The following NDUFA10 variants were observed in gnomAD, a reference collection of about 807,000 sequenced individuals.
NDUFA10 encodes NADH:ubiquinone oxidoreductase subunit A10, also known as NADH dehydrogenase [ubiquinone] 1 alpha subcomplex subunit 10, mitochondrial.
In NDUFA10, 40 loss-of-function variants were observed where a neutral mutation model predicts 47.8. The observed-to-expected ratio is 0.84, with a 90% CI of 0.65 to 1.09. NDUFA10 has a LOEUF of 1.09. Ranked by LOEUF, NDUFA10 falls within the 50% of genes least tolerant of loss-of-function variation. The pLI, the probability that NDUFA10 is intolerant of heterozygous loss-of-function variation, is 0.00. For synonymous variants in NDUFA10, 183 were observed against 172.2 expected (o/e 1.06, Z -0.49); for missense variants, 413 against 451.1 (o/e 0.92, Z 0.76).
At chr2:240,020,109 C>T (rs986684721) in intron 3 of NDUFA10, among the ~76,000 whole-genome samples, 2 of 151,582 alleles carry the variant, frequency 1.3e-5, no homozygotes, top group African/African-American at 4.9e-5. Flanking sequence ...ACACTGCATC[C>T]GTGGAGACCT....
intron 3 of NDUFA10, among the ~76,000 whole-genome samples, chr2:240,020,878 C>T (rs1193608894): frequency 6.6e-6 from 1 of 152,232 alleles, no homozygotes; most frequent in Non-Finnish European, 1.5e-5. Context: ...CTCCTGGACA[C>T]TTCTGTGCTC....
intron 4 of NDUFA10, among the ~76,000 whole-genome samples, chr2:239,920,369 G>A (rs1214592274): frequency 6.6e-6 from 1 of 152,206 alleles, no homozygotes; most frequent in Non-Finnish European, 1.5e-5. Context: ...AGGTCCCCTT[G>A]CCATGGGGAC....
At chr2:239,916,702 C>T (rs1198259204) in intron 4 of NDUFA10, among the ~76,000 whole-genome samples, 1 of 152,254 alleles carries the variant, frequency 6.6e-6, no homozygotes, top group Non-Finnish European at 1.5e-5. Context: ...CTCTCTGCTC[C>T]CAGGACGGCA....
rs61475593 is a variant in NDUFA10 at position 240,002,330 on chromosome 2, CAAAAAAAAA to C, written c.890+2871_890+2879del. Among the ~76,000 whole-genome samples, 387 of 83,750 alleles carry C rather than the reference CAAAAAAAAA, an allele frequency of 4.6e-3. 2 individuals carry two copies. The highest frequency in any genetic ancestry group is 6.8e-3 in the Middle Eastern group (1 of 148). 54.9% of individuals were successfully genotyped at this position (83,750 alleles called of 152,430 possible). A position where few individuals can be genotyped will look rare whatever the true frequency, so the allele number is the denominator to read the frequency against. ...GGGCAACAAGAGCAAAACTCTGACT[CAAAAAAAAA>C]AAAAAAAAAAAAAAAAAGACAAGGA... On this transcript the variant is annotated intron_variant, in intron 8 of 9. Coordinates refer to ENST00000252711, the MANE Select transcript of NDUFA10 (RefSeq NM_004544.4).
At chr2:239,910,566 G>T (rs766326869) in intron 4 of NDUFA10, among the ~76,000 whole-genome samples, 1 of 152,028 alleles carries the variant, frequency 6.6e-6, no homozygotes, top group African/African-American at 2.4e-5. Flanking sequence ...CCTGCTGGGG[G>T]GTGTTGAGGA....
intron 9 of NDUFA10, among the ~76,000 whole-genome samples, chr2:239,986,128 G>A (rs552735932): frequency 1.4e-3 from 211 of 152,250 alleles, no homozygotes; most frequent in African/African-American, 4.6e-3. Context: ...AATATCTTCC[G>A]AAGAGGAACT....
At chr2:240,018,088 C>G (rs990755407) in intron 4 of NDUFA10, among the ~76,000 whole-genome samples, 3 of 152,200 alleles carry the variant, frequency 2.0e-5, no homozygotes, top group Admixed American at 2.0e-4. Context: ...TACAGCAACA[C>G]AAAGCTACTG....
intron 9 of NDUFA10, among the ~76,000 whole-genome samples, chr2:239,979,839 G>A (rs1472256412): frequency 6.6e-6 from 1 of 152,122 alleles, no homozygotes; most frequent in Non-Finnish European, 1.5e-5. Flanking sequence ...GACCCCGGCT[G>A]ACCTTGGCCT....
chr2:239,956,137 G>A (rs1299144096), downstream of NDUFA10, among the ~76,000 whole-genome samples: 1 of 152,200 alleles, frequency 6.6e-6, no homozygotes, highest in Non-Finnish European at 1.5e-5. Context: ...TAGCACATCT[G>A]GACCCCTCCC....
intron 8 of NDUFA10, among the ~76,000 whole-genome samples, chr2:239,992,940 G>A (rs566402334): frequency 1.3e-5 from 2 of 152,248 alleles, no homozygotes; most frequent in Middle Eastern, 6.8e-3. Flanking sequence ...TAGAAAATTG[G>A]TCATAATTAT....
intron 4 of NDUFA10, among the ~76,000 whole-genome samples, chr2:240,018,143 C>G (rs1697440642): frequency 6.6e-6 from 1 of 152,222 alleles, no homozygotes; most frequent in African/African-American, 2.4e-5. Flanking sequence ...TGTGATGATG[C>G]TGGCAACTGG....
intron 4 of NDUFA10, chr2:240,017,871 G>T (rs1242326288): frequency 1.3e-6 from 2 of 1,571,932 alleles, no homozygotes; most frequent in Non-Finnish European, 1.7e-6. Flanking sequence ...TGAGCTCCCA[G>T]ATTCCAGCTT....
intron 4 of NDUFA10, among the ~76,000 whole-genome samples, chr2:239,926,587 T>A (rs74002020): frequency 0.047 from 7,018 of 149,060 alleles, 454 homozygotes; most frequent in African/African-American, 0.15. Context: ...CTTTTTATCA[T>A]AATTTTGGAG....
downstream of NDUFA10, among the ~76,000 whole-genome samples, chr2:239,955,319 G>T (rs900054437): frequency 3.3e-5 from 5 of 152,132 alleles, no homozygotes; most frequent in African/African-American, 1.2e-4. Context: ...ATGCAAGGTC[G>T]CATGACCAAT....
At chr2:240,006,697 T>C (rs964835235) in intron 7 of NDUFA10, among the ~76,000 whole-genome samples, 22 of 152,262 alleles carry the variant, frequency 1.4e-4, no homozygotes, top group Non-Finnish European at 2.2e-4. Flanking sequence ...ACTTCATTTT[T>C]GTAATTATCC....
chr2:239,961,028 C>T lies in NDUFA10; in HGVS notation c.*90G>A. ...GCAATTTTTGCATTATTTACCCTCC[C>T]CCGATCTTAAAGCTATATGGCGTCC... On this transcript the variant is annotated 3_prime_UTR_variant, in exon 10 of 10. Coordinates refer to ENST00000252711, the MANE Select transcript of NDUFA10 (RefSeq NM_004544.4). 19 of 1,593,552 alleles carry T rather than the reference C, an allele frequency of 1.2e-5. No individual in the cohort carries two copies. Among genetic ancestry groups the T allele is most frequent in the Non-Finnish European group, 1.5e-5 (18 of 1,170,788 alleles).
At chr2:239,937,882 C>A (rs1351784545) in intron 4 of NDUFA10, among the ~76,000 whole-genome samples, 1 of 152,174 alleles carries the variant, frequency 6.6e-6, no homozygotes, top group Non-Finnish European at 1.5e-5. Context: ...TTAATTGTAA[C>A]AAATTATTTG....
chr2:240,005,108 C>T (rs552529203), intron 8 of NDUFA10, 102 bp downstream of exon 8: 5 of 1,061,086 alleles, frequency 4.7e-6, no homozygotes, highest in African/African-American at 3.1e-5. Context: ...GTTGGTGCTG[C>T]TAACACCTAA....
At chr2:239,955,578 G>A (rs1694636931), downstream of NDUFA10, among the ~76,000 whole-genome samples, 1 of 152,146 alleles carries the variant, frequency 6.6e-6, no homozygotes, top group Non-Finnish European at 1.5e-5. Context: ...GGCACGCGAG[G>A]CAAAAGGCTG....
Sources: gnomAD v4.1 joint callset for allele counts (sites outside exome capture counted in the v4.1 genomes callset) on GRCh38, gnomAD v4.1.1 for gene constraint, MANE v1.5 for transcripts, NCBI Gene and HGNC (gene_info 2026-07-23, HGNC 2026-07-21) for gene names.